The following THSD7B variants were observed in gnomAD, a reference collection of about 807,000 sequenced individuals.
THSD7B encodes the protein thrombospondin type-1 domain-containing protein 7B.
In THSD7B, 138 loss-of-function variants were observed where a neutral mutation model predicts 213.6. That is an observed-to-expected ratio of 0.65 (90% CI 0.56 to 0.74). The LOEUF (loss-of-function observed/expected upper bound fraction) is 0.74, where lower values mean the gene tolerates loss of function less well. THSD7B is among the 30% of genes least tolerant of loss of function. The probability of loss-of-function intolerance (pLI) is 0.00; values close to 1 mark genes in which losing one functional copy is unlikely to be tolerated. For synonymous variants in THSD7B, 742 were observed against 687.0 expected (o/e 1.08, Z -1.25); for missense variants, 1,931 against 1,991.5 (o/e 0.97, Z 0.58).
chr2:137,207,805 A>G (rs1344799055), intron 7 of THSD7B, among the ~76,000 whole-genome samples: 1 of 152,076 alleles, frequency 6.6e-6, no homozygotes, highest in East Asian at 1.9e-4. Context: ...TCCATGAAGT[A>G]TATACTGATC....
intron 2 of THSD7B, among the ~76,000 whole-genome samples, chr2:137,014,372 C>G (rs536888576): frequency 6.6e-6 from 1 of 152,144 alleles, no homozygotes; most frequent in African/African-American, 2.4e-5. Flanking sequence ...GTCTAGTGCT[C>G]GGGCACCTGC....
chr2:137,189,324 C>G (rs1429374628), intron 7 of THSD7B, among the ~76,000 whole-genome samples: 2 of 152,120 alleles, frequency 1.3e-5, no homozygotes, highest in African/African-American at 4.8e-5. Flanking sequence ...GTGAAAAAAC[C>G]AGAAAGTTAA....
intron 17 of THSD7B, among the ~76,000 whole-genome samples, chr2:137,585,274 TC>T (rs536291477): frequency 1.1e-3 from 160 of 152,260 alleles, no homozygotes; most frequent in African/African-American, 3.8e-3. Context: ...ATTTTTTTGA[TC>T]TTTTCAAAAA....
chr2:137,568,858 T>C (rs1681294538), intron 16 of THSD7B, among the ~76,000 whole-genome samples: 1 of 152,300 alleles, frequency 6.6e-6, no homozygotes, highest in African/African-American at 2.4e-5. Flanking sequence ...GCCGGTATTC[T>C]GGAAACCTAG....
chr2:137,062,842 A>T (rs1354188098), intron 3 of THSD7B, among the ~76,000 whole-genome samples: 1 of 151,880 alleles, frequency 6.6e-6, no homozygotes, highest in African/African-American at 2.4e-5. Context: ...GGTGCTGTTC[A>T]GTTCAACTAT....
At chr2:137,125,086 T>C (rs1688609143) in intron 5 of THSD7B, among the ~76,000 whole-genome samples, 1 of 152,200 alleles carries the variant, frequency 6.6e-6, no homozygotes, top group Non-Finnish European at 1.5e-5. Context: ...GAATAATCTA[T>C]GGGCATTTAC....
chr2:137,243,493 C>G (rs1573908150), intron 10 of THSD7B, among the ~76,000 whole-genome samples: 1 of 152,216 alleles, frequency 6.6e-6, no homozygotes, highest in Non-Finnish European at 1.5e-5. Flanking sequence ...TCAAGCAGAG[C>G]ATGGCTCTCT....
intron 1 of THSD7B, among the ~76,000 whole-genome samples, chr2:136,787,235 C>CTT (rs78935204): frequency 1.3e-5 from 2 of 150,694 alleles, no homozygotes; most frequent in South Asian, 2.1e-4. Flanking sequence ...TTGGATGATT[C>CTT]TTTTTTTTTC....
intron 17 of THSD7B, among the ~76,000 whole-genome samples, chr2:137,575,166 C>A (rs532733707): frequency 6.6e-6 from 1 of 151,794 alleles, no homozygotes; most frequent in African/African-American, 2.4e-5. Flanking sequence ...GAAGTGAGGA[C>A]AATAATAGCT....
chr2:136,905,334 T>G (rs1237567265), intron 2 of THSD7B, among the ~76,000 whole-genome samples: 3 of 152,208 alleles, frequency 2.0e-5, no homozygotes. Flanking sequence ...TTCTTCACTC[T>G]GAGTTTACCA....
intron 24 of THSD7B, 148 bp from the exon 25 acceptor site, chr2:137,659,515 AG>A (rs1317745813): frequency 1.3e-5 from 9 of 667,074 alleles, no homozygotes; most frequent in Non-Finnish European, 2.3e-5. Flanking sequence ...TCAATAAAAT[AG>A]GCTTGGACCA....
At chr2:136,959,694 GAT>G (rs1685185378) in intron 2 of THSD7B, among the ~76,000 whole-genome samples, 1 of 152,198 alleles carries the variant, frequency 6.6e-6, no homozygotes, top group Non-Finnish European at 1.5e-5. Context: ...GGTGACTAGA[GAT>G]AGAATAGATT....
At position 137,399,151 on chromosome 2, in the gene THSD7B, G is replaced by T. The variant is rs1004718651; in HGVS notation, c.2501-6462G>T. 7.3e-5 allele frequency among the ~76,000 whole-genome samples: 11 copies of T among 151,346 alleles called. No individual in the cohort carries two copies. The East Asian group carries it at 1.2e-3, about 16-fold the overall frequency. On this transcript the variant is annotated intron_variant, in intron 12 of 27. Transcript: ENST00000409968. Reference sequence around the variant, plus strand: ...TGCGTCACTCTCGCTGGGAGCTGTAGACTGGAGCTGTTCCTATTCGGCCAT... The same window carrying T: ...TGCGTCACTCTCGCTGGGAGCTGTATACTGGAGCTGTTCCTATTCGGCCAT...
chr2:137,224,878 A>G (rs1388325877), intron 7 of THSD7B, among the ~76,000 whole-genome samples: 2 of 152,194 alleles, frequency 1.3e-5, no homozygotes, highest in South Asian at 2.1e-4. Context: ...CATGGATGCA[A>G]TTTTAGCTAA....
intron 7 of THSD7B, among the ~76,000 whole-genome samples, chr2:137,230,249 T>C (rs193098901): frequency 6.6e-6 from 1 of 152,342 alleles, no homozygotes; most frequent in East Asian, 1.9e-4. Context: ...CTGTTAATTA[T>C]AAAACTCCAT....
chr2:136,873,853 C>T (rs1243645587), intron 1 of THSD7B, among the ~76,000 whole-genome samples: 1 of 152,114 alleles, frequency 6.6e-6, no homozygotes, highest in South Asian at 2.1e-4. Flanking sequence ...ACCTCAGGCT[C>T]CAAGGTCGTG....
chr2:137,195,450 G>GA (rs1281483668), intron 7 of THSD7B, among the ~76,000 whole-genome samples: 37 of 152,034 alleles, frequency 2.4e-4, no homozygotes, highest in Admixed American at 2.2e-3. Context: ...GTGCGAATCA[G>GA]AAAAAACAAG....
chr2:137,662,163 C>T (rs935949374), intron 25 of THSD7B, among the ~76,000 whole-genome samples: 2 of 149,218 alleles, frequency 1.3e-5, no homozygotes, highest in Admixed American at 6.7e-5. Context: ...CCTGGGTTCA[C>T]GCCATTCTCC....
rs12995504 is a variant in THSD7B at position 137,238,567 on chromosome 2, G to A, written c.2151-3890G>A. Among the ~76,000 whole-genome samples the A allele has an allele frequency of 1.5e-4, 4 of 27,418 alleles. No homozygotes were observed. The East Asian group carries it at 7.4e-3, about 51-fold the overall frequency. The allele number at this position is 27,418 out of a possible 152,430, so 18.0% of individuals were successfully genotyped here. A position where few individuals can be genotyped will look rare whatever the true frequency, so the allele number is the denominator to read the frequency against. On this transcript the variant is annotated intron_variant, in intron 9 of 27. Coordinates refer to ENST00000409968, the MANE Select transcript of THSD7B (RefSeq NM_001316349.2). ...TTTTTTTTTTTTTTTTTTTTTTTGAGACGGAGTCTCGCTCTGTCGCCCAGG... is the reference window on the plus strand; with the variant it reads ...TTTTTTTTTTTTTTTTTTTTTTTGAAACGGAGTCTCGCTCTGTCGCCCAGG...
Sources: allele counts gnomAD v4.1 joint callset (sites outside exome capture counted in the v4.1 genomes callset), GRCh38; gene constraint gnomAD v4.1.1; transcripts MANE v1.5; gene names NCBI Gene and HGNC (gene_info 2026-07-23, HGNC 2026-07-21).